The following LARP4 variants were observed in gnomAD, a reference collection of about 807,000 sequenced individuals.
LARP4 encodes la-related protein 4.
In LARP4, 29 loss-of-function variants were observed where a neutral mutation model predicts 92.9. The observed-to-expected ratio is 0.31, with a 90% CI of 0.23 to 0.43. LARP4 has a LOEUF of 0.43. Ranked by LOEUF, LARP4 falls within the 20% of genes least tolerant of loss-of-function variation. LARP4 has a pLI of 1.00. For missense variants in LARP4, 732 were observed against 860.0 expected (o/e 0.85, Z 1.86); for synonymous variants, 279 against 284.1 (o/e 0.98, Z 0.18).
At chr12:50,465,485 T>G (rs1376000319) in intron 12 of LARP4, among the ~76,000 whole-genome samples, 2 of 151,832 alleles carry the variant, frequency 1.3e-5, no homozygotes, top group African/African-American at 4.8e-5. Flanking sequence ...TTCCAGTAGG[T>G]AGGTCATGGT....
At chr12:50,459,440 AATGT>A (rs1369251631) in intron 10 of LARP4, among the ~76,000 whole-genome samples, 1 of 152,208 alleles carries the variant, frequency 6.6e-6, no homozygotes, top group African/African-American at 2.4e-5. Context: ...GTATGTATGT[AATGT>A]ATGTATCTGT....
chr12:50,473,787 A>AC (rs1345728792), intron 14 of LARP4, among the ~76,000 whole-genome samples: 1 of 8,620 alleles, frequency 1.2e-4, no homozygotes, highest in Non-Finnish European at 2.5e-4. Flanking sequence ...AATTGCTTGA[A>AC]CCGGGGGGTG....
intron 8 of LARP4, among the ~76,000 whole-genome samples, chr12:50,444,438 C>A (rs975284285): frequency 3.9e-5 from 6 of 151,976 alleles, no homozygotes; most frequent in African/African-American, 1.5e-4. Context: ...TTTTGATGAG[C>A]CATCACATAG....
At chr12:50,420,617 G>C (rs1947583729) in intron 1 of LARP4, among the ~76,000 whole-genome samples, 2 of 152,208 alleles carry the variant, frequency 1.3e-5, no homozygotes. Flanking sequence ...CTGATTGCTT[G>C]TTAGCCATAG....
At position 50,474,091 on chromosome 12, in the gene LARP4, C is replaced by T. The variant is rs779711403; in HGVS notation, c.1760C>T (p.Thr587Ile). 16 of 1,612,754 alleles carry T rather than the reference C, an allele frequency of 9.9e-6. No homozygotes were observed. The Middle Eastern group carries it at 5.5e-4, about 55-fold the overall frequency. The stretch of plus-strand genomic sequence containing the variant: ...ACTATACCAGTTTCTCCTCCAAGTA[C>T]TACAAAGCCATCGAGGGCAAGTACT... The part of the protein sequence containing the change: ...QTTIPVSPPS[T>I]TKPSRASTAS... The change falls in exon 15 of 16, where the codon ACT becomes ATT. Residue 587 changes from threonine to isoleucine, a missense_variant. Thr to Ile is a moderately conservative substitution (Grantham distance 89). Coordinates refer to ENST00000398473, the MANE Select transcript of LARP4 (RefSeq NM_052879.5).
intron 1 of LARP4, among the ~76,000 whole-genome samples, chr12:50,408,882 C>T (rs1185625050): frequency 2.0e-5 from 3 of 152,002 alleles, no homozygotes; most frequent in Admixed American, 6.6e-5. Context: ...GTGGCTCATA[C>T]CTGTAATCCC....
At chr12:50,456,941 T>A (rs1160481361) in intron 10 of LARP4, among the ~76,000 whole-genome samples, 1 of 151,876 alleles carries the variant, frequency 6.6e-6, no homozygotes, top group African/African-American at 2.4e-5. Flanking sequence ...TGAGACGGAG[T>A]CGTGCTCTGT....
intron 9 of LARP4, 23 bp from the exon 10 acceptor site, chr12:50,454,291 T>C (rs1953822557): frequency 6.4e-7 from 1 of 1,570,432 alleles, no homozygotes; most frequent in Non-Finnish European, 8.8e-7. Context: ...ATTAATATTG[T>C]TTAAACATAC....
rs766505569 is a variant in LARP4 at position 50,448,355 on chromosome 12, A to G, written c.805-5105A>G. 5.9e-5 allele frequency among the ~76,000 whole-genome samples: 9 copies of G among 152,172 alleles called. 1 individual carries two copies. Among genetic ancestry groups the G allele is most frequent in the Admixed American group, 3.3e-4 (5 of 15,268 alleles). On this transcript the variant is annotated intron_variant, in intron 8 of 15. Coordinates refer to ENST00000398473, the MANE Select transcript of LARP4 (RefSeq NM_052879.5). ...CTATCTCCAGAACTCTTTTTATAAG[A>G]CTGAAACTCTATAAATGTTACCCAA...
chr12:50,434,259 A>G (rs144768345), intron 4 of LARP4, among the ~76,000 whole-genome samples: 62 of 152,242 alleles, frequency 4.1e-4, no homozygotes, highest in Non-Finnish European at 7.8e-4. Context: ...GCTTCAAAGA[A>G]TATTTGATGT....
At chr12:50,454,641 T>A (rs1018345893) in intron 10 of LARP4, 8 of 376,992 alleles carry the variant, frequency 2.1e-5, no homozygotes, top group Non-Finnish European at 3.8e-5. Context: ...AGATTTTTTT[T>A]AATAATAAAA....
chr12:50,460,426 C>T (rs1403724822), intron 10 of LARP4, among the ~76,000 whole-genome samples: 1 of 152,098 alleles, frequency 6.6e-6, no homozygotes, highest in Non-Finnish European at 1.5e-5. Flanking sequence ...CTCCTGGGCC[C>T]AAGCAGTCTT....
intron 14 of LARP4, among the ~76,000 whole-genome samples, 180 bp from the exon 15 acceptor site, chr12:50,473,802 TGGGTGGGGGGGTGGGGG>T (rs1957211350): frequency 9.9e-6 from 1 of 101,516 alleles, no homozygotes; most frequent in African/African-American, 4.7e-5. Context: ...GGGGTGGGGG[TGGGTGGGGGGGTGGGGG>T]GGGTGGGGGG....
intron 8 of LARP4, among the ~76,000 whole-genome samples, chr12:50,442,872 A>C (rs1951436844): frequency 6.6e-6 from 1 of 152,138 alleles, no homozygotes; most frequent in African/African-American, 2.4e-5. Flanking sequence ...TAAATCTCAT[A>C]ATTGCTGTGA....
chr12:50,448,446 C>T (rs570889985), intron 8 of LARP4, among the ~76,000 whole-genome samples: 1 of 152,126 alleles, frequency 6.6e-6, no homozygotes, highest in Non-Finnish European at 1.5e-5. Flanking sequence ...CTCCACAACC[C>T]CAGTCATCTT....
chr12:50,446,058 A>G (rs1333721109), intron 8 of LARP4, among the ~76,000 whole-genome samples: 1 of 139,372 alleles, frequency 7.2e-6, no homozygotes, highest in African/African-American at 2.7e-5. Flanking sequence ...GCTGGAGTGC[A>G]GTGGCACAAA....
chr12:50,427,700 T>A lies in LARP4; in HGVS notation c.19-62T>A. The A allele has an allele frequency of 1.8e-6, 2 of 1,132,210 alleles. 1 individual carries two copies. The highest frequency in any genetic ancestry group is 5.0e-5 in the South Asian group (2 of 40,156). The allele number at this position is 1,132,210 out of a possible 1,614,324, so 70.1% of individuals were successfully genotyped here. On this transcript the variant is annotated intron_variant, in intron 1 of 15. Coordinates refer to ENST00000398473, the MANE Select transcript of LARP4 (RefSeq NM_052879.5). ...TAAGTAATGGAAAAGTGATTTTATC[T>A]GAATCTGTAATTTTCATGCTCTGAT...
At chr12:50,427,709 A>G (rs962146444) in intron 1 of LARP4, 53 bp from the exon 2 acceptor site, 7 of 1,244,036 alleles carry the variant, frequency 5.6e-6, no homozygotes, top group South Asian at 4.3e-5. Flanking sequence ...CTGAATCTGT[A>G]ATTTTCATGC....
At position 50,477,784 on chromosome 12, in the gene LARP4, A is replaced by G. The variant is rs1957635527; in HGVS notation, c.*1920A>G. ...GCCTACTAGGTGAAACATAACAATAAAACTACCTGTGCTGAAATTTGGGGG... is the reference window on the plus strand; with the variant it reads ...GCCTACTAGGTGAAACATAACAATAGAACTACCTGTGCTGAAATTTGGGGG... On this transcript the variant is annotated 3_prime_UTR_variant, in exon 16 of 16. Transcript: ENST00000398473. The G allele has an allele frequency of 6.6e-6, 1 of 152,538 alleles. No homozygotes were observed. The highest frequency in any genetic ancestry group is 1.5e-5 in the Non-Finnish European group (1 of 67,950). The allele number at this position is 152,538 out of a possible 1,614,324, so 9.4% of individuals were successfully genotyped here.
Sources: gnomAD v4.1 joint callset for allele counts (sites outside exome capture counted in the v4.1 genomes callset) on GRCh38, gnomAD v4.1.1 for gene constraint, MANE v1.5 for transcripts, NCBI Gene and HGNC (gene_info 2026-07-23, HGNC 2026-07-21) for gene names.